STPG2: variants seen among roughly 807,000 people sequenced by gnomAD.
STPG2 encodes the protein sperm tail PG-rich repeat containing 2.
A neutral mutation model predicts 54.2 loss-of-function variants in STPG2; 56 were observed. The observed-to-expected ratio is 1.03, with a 90% CI of 0.83 to 1.29. The LOEUF is 1.29. STPG2 is among the 50% of genes most tolerant of loss of function. STPG2 has a pLI of 0.00. For missense variants in STPG2, 596 were observed against 544.9 expected (o/e 1.09, Z -0.93); for synonymous variants, 200 against 181.8 (o/e 1.10, Z -0.81).
At chr4:98,000,127 T>C (rs1277340050) in intron 5 of STPG2, among the ~76,000 whole-genome samples, 1 of 152,300 alleles carries the variant, frequency 6.6e-6, no homozygotes, top group East Asian at 1.9e-4. Flanking sequence ...TCATTTACTA[T>C]ATTTTCCAGC....
chr4:97,936,133 T>C (rs1259463412), intron 8 of STPG2, among the ~76,000 whole-genome samples: 1 of 152,206 alleles, frequency 6.6e-6, no homozygotes, highest in Non-Finnish European at 1.5e-5. Context: ...CGTTATGTAA[T>C]GCCCCTCTTT....
chr4:97,757,890 T>C (rs906519030), intron 9 of STPG2, among the ~76,000 whole-genome samples: 4 of 152,202 alleles, frequency 2.6e-5, no homozygotes, highest in Non-Finnish European at 4.4e-5. Context: ...AGAAAGACAC[T>C]TAAGCTTTCT....
intron 8 of STPG2, among the ~76,000 whole-genome samples, chr4:97,933,844 G>A (rs1479821328): frequency 2.6e-5 from 4 of 152,192 alleles, no homozygotes; most frequent in African/African-American, 7.2e-5. Flanking sequence ...TTGGCTGTAC[G>A]GGCTCTCTTT....
Position 97,943,992 on chromosome 4 carries a change from G to A in STPG2, c.949C>T (p.Gln317Ter), listed in dbSNP as rs767260391. ...AATTCATCAGAAATTCCCACACCCT[G>A]TGAATGCCAAAATTCCTGTTGAAAG... ...PADYQEFWHS[Q>*]GVGISDELPN... The change falls in exon 8 of 11, where the codon CAG (glutamine) becomes TAG (stop). Residue 317 changes from glutamine (Q) to a stop codon, truncating the protein, a stop_gained. Transcript: ENST00000295268. LOFTEE classifies it high-confidence loss of function. The A allele has an allele frequency of 1.2e-6, 2 of 1,609,246 alleles. No homozygotes were observed. Among genetic ancestry groups the A allele is most frequent in the South Asian group, 1.1e-5 (1 of 90,590 alleles).
chr4:97,486,467 A>G (rs921208052), intron 4 of STPG2, among the ~76,000 whole-genome samples: 10 of 151,850 alleles, frequency 6.6e-5, no homozygotes, highest in African/African-American at 2.2e-4. Flanking sequence ...CCACAGTGCA[A>G]TACCACCTAC....
At chr4:97,497,277 G>A (rs975815704) in intron 4 of STPG2, among the ~76,000 whole-genome samples, 8 of 151,782 alleles carry the variant, frequency 5.3e-5, no homozygotes, top group African/African-American at 1.4e-4. Flanking sequence ...TTTGCTACAT[G>A]CCCAATTATA....
chr4:97,989,138 C>T (rs1331176131), intron 5 of STPG2, among the ~76,000 whole-genome samples: 1 of 152,100 alleles, frequency 6.6e-6, no homozygotes, highest in Non-Finnish European at 1.5e-5. Flanking sequence ...AAAAGAGGCA[C>T]TTCAGCAATG....
intron 9 of STPG2, among the ~76,000 whole-genome samples, chr4:97,832,154 C>A (rs761462813): frequency 4.6e-5 from 7 of 152,138 alleles, no homozygotes; most frequent in Non-Finnish European, 7.4e-5. Context: ...AGAAGCACAT[C>A]AAAAAGCTTA....
Position 98,022,530 on chromosome 4 carries a change from C to T in STPG2, c.613-41212G>A, listed in dbSNP as rs551917010. 3.5e-3 allele frequency among the ~76,000 whole-genome samples: 526 copies of T among 151,208 alleles called. 3 individuals are homozygous for T. The highest frequency in any genetic ancestry group is 0.012 in the African/African-American group (505 of 41,350). On this transcript the variant is annotated intron_variant, in intron 5 of 10. Transcript: ENST00000295268. ...CTCTTCTCGAGGAGTATCTTTGTGGCGTTCTCTGTATTTCCTGAATCTGAA... is the reference window on the plus strand; with the variant it reads ...CTCTTCTCGAGGAGTATCTTTGTGGTGTTCTCTGTATTTCCTGAATCTGAA...
chr4:97,669,079 C>T (rs1271553253), intron 10 of STPG2, among the ~76,000 whole-genome samples: 1 of 151,394 alleles, frequency 6.6e-6, no homozygotes, highest in Non-Finnish European at 1.5e-5. Context: ...GTTTCAGAAA[C>T]AAGGGAAGAA....
chr4:97,848,683 G>A (rs544052754), intron 8 of STPG2, among the ~76,000 whole-genome samples: 7 of 152,250 alleles, frequency 4.6e-5, no homozygotes, highest in East Asian at 1.9e-4. Flanking sequence ...TGTATAAGGT[G>A]TAAAGAAGGG....
Position 97,844,009 on chromosome 4 carries a change from C to T in STPG2, c.1045-3077G>A, listed in dbSNP as rs564488908. ...GAAAAACTGTGAATTTGTATGAAATCGTGAGGTTTCAGGAGGTATGAAACC... is the reference window on the plus strand; with the variant it reads ...GAAAAACTGTGAATTTGTATGAAATTGTGAGGTTTCAGGAGGTATGAAACC... On this transcript the variant is annotated intron_variant, in intron 8 of 10. Coordinates refer to ENST00000295268, the MANE Select transcript of STPG2 (RefSeq NM_174952.3). 5.9e-5 allele frequency among the ~76,000 whole-genome samples: 9 copies of T among 151,660 alleles called. No individual in the cohort carries two copies. The East Asian group carries it at 9.7e-4, about 16-fold the overall frequency.
intron 10 of STPG2, among the ~76,000 whole-genome samples, chr4:97,591,496 A>G (rs1306883733): frequency 2.0e-5 from 3 of 152,222 alleles, no homozygotes; most frequent in African/African-American, 7.2e-5. Context: ...AGGAAGTTTT[A>G]GCAGTTTGGA....
intron 9 of STPG2, among the ~76,000 whole-genome samples, chr4:97,804,527 CAAT>C (rs1256325338): frequency 2.0e-5 from 3 of 151,950 alleles, no homozygotes; most frequent in Non-Finnish European, 4.4e-5. Context: ...GTACACAGTA[CAAT>C]GTGTTTGTGC....
intron 10 of STPG2, among the ~76,000 whole-genome samples, chr4:97,635,309 T>C (rs373922556): frequency 5.9e-5 from 9 of 152,290 alleles, no homozygotes; most frequent in East Asian, 1.9e-4. Context: ...TTGTCACCAC[T>C]AGGCCTGCCC....
At chr4:97,929,232 T>A (rs1732449021) in intron 8 of STPG2, among the ~76,000 whole-genome samples, 1 of 152,228 alleles carries the variant, frequency 6.6e-6, no homozygotes, top group Non-Finnish European at 1.5e-5. Flanking sequence ...GTGCATAGTA[T>A]TCTATGGTGT....
At chr4:97,485,134 T>C (rs942915110) in intron 4 of STPG2, among the ~76,000 whole-genome samples, 1 of 151,836 alleles carries the variant, frequency 6.6e-6, no homozygotes, top group Non-Finnish European at 1.5e-5. Flanking sequence ...GCCTTCCCTC[T>C]GAGAACTGGA....
intron 8 of STPG2, among the ~76,000 whole-genome samples, chr4:97,907,164 CAA>C (rs1265936327): frequency 4.6e-5 from 7 of 151,972 alleles, no homozygotes; most frequent in Admixed American, 3.3e-4. Context: ...GCAACTTCAG[CAA>C]AGTCTCAGGA....
intron 8 of STPG2, among the ~76,000 whole-genome samples, chr4:97,852,334 T>C (rs919807594): frequency 1.3e-5 from 2 of 152,198 alleles, no homozygotes; most frequent in African/African-American, 4.8e-5. Context: ...ATAGGGACCA[T>C]TTTAAGGTAG....
Sources: gnomAD v4.1 joint callset for allele counts (sites outside exome capture counted in the v4.1 genomes callset) on GRCh38, gnomAD v4.1.1 for gene constraint, MANE v1.5 for transcripts, NCBI Gene and HGNC (gene_info 2026-07-23, HGNC 2026-07-21) for gene names.